Variants in ERCC8 observed in about 807,000 individuals in gnomAD.
The protein encoded by ERCC8 is DNA excision repair protein ERCC-8.
Under a neutral mutation model 54.9 loss-of-function variants are expected in ERCC8, and 52 were observed. The ratio of observed to expected loss-of-function variants is 0.95; its 90% CI spans 0.76 to 1.19. The LOEUF is 1.19. Among genes scored for constraint, ERCC8 ranks in the 50% most tolerant of loss-of-function variants. The pLI is 0.00. For missense variants in ERCC8, 514 were observed against 466.1 expected (o/e 1.10, Z -0.95); for synonymous variants, 146 against 157.2 (o/e 0.93, Z 0.53).
At chr5:60,943,582 A>G (rs947871116) in intron 1 of ERCC8, among the ~76,000 whole-genome samples, 13 of 152,222 alleles carry the variant, frequency 8.5e-5, no homozygotes, top group African/African-American at 3.1e-4. Context: ...TGCCCTTGAG[A>G]TAAACCCACA....
intron 11 of ERCC8, among the ~76,000 whole-genome samples, chr5:60,883,402 C>T (rs192755738): frequency 6.6e-6 from 1 of 152,320 alleles, no homozygotes; most frequent in Non-Finnish European, 1.5e-5. Context: ...TCAGTTTTCT[C>T]TGCAACATCT....
chr5:60,898,148 A>G, intron 9 of ERCC8, 128 bp downstream of exon 9: 1 of 1,070,586 alleles, frequency 9.3e-7, no homozygotes, highest in Non-Finnish European at 1.4e-6. Flanking sequence ...TCCACATAGT[A>G]GAAACACATT....
At chr5:60,944,153 C>T (rs765096428) in intron 1 of ERCC8, among the ~76,000 whole-genome samples, 1 of 152,170 alleles carries the variant, frequency 6.6e-6, no homozygotes, top group African/African-American at 2.4e-5. Context: ...TCATTCTTCT[C>T]TTTTTGTCAT....
At chr5:60,907,238 GA>G (rs1434005764) in intron 4 of ERCC8, 1 of 152,038 alleles carries the variant, frequency 6.6e-6, no homozygotes, top group Non-Finnish European at 1.5e-5. Flanking sequence ...ATTTCAAGGA[GA>G]AAATAGGAGG....
At chr5:60,939,952 T>C (rs1250386159) in intron 1 of ERCC8, among the ~76,000 whole-genome samples, 1 of 152,224 alleles carries the variant, frequency 6.6e-6, no homozygotes, top group African/African-American at 2.4e-5. Context: ...GTCTTTTTTA[T>C]CAATCTTGTC....
intron 11 of ERCC8, among the ~76,000 whole-genome samples, chr5:60,876,843 T>A (rs543118683): frequency 6.6e-6 from 1 of 152,350 alleles, no homozygotes; most frequent in East Asian, 1.9e-4. Flanking sequence ...TTGTTCACTC[T>A]GATGGTAGTT....
chr5:60,921,924 C>G (rs1013324142), intron 3 of ERCC8, 130 bp downstream of exon 3: 2 of 538,220 alleles, frequency 3.7e-6, no homozygotes, highest in Non-Finnish European at 6.6e-6. Flanking sequence ...CAAGGAACAG[C>G]CATGCAAATG....
At chr5:60,887,543 G>A in intron 10 of ERCC8, 23 bp from the exon 11 acceptor site, 3 of 1,527,048 alleles carry the variant, frequency 2.0e-6, no homozygotes, top group South Asian at 1.1e-5. Flanking sequence ...AGGCAAAGAT[G>A]ATACTGTGGA....
At position 60,870,090 on chromosome 5, in the gene ERCC8, T is replaced by A. The variant is rs1561490020; in HGVS notation, c.*4525A>T. Among the ~76,000 whole-genome samples, 1 of 151,884 alleles carries A rather than the reference T, an allele frequency of 6.6e-6. No individual in the cohort carries two copies. The highest frequency in any genetic ancestry group is 1.5e-5 in the Non-Finnish European group (1 of 68,012). ...TTCTCCACTATATTTTTGCAAGTGC[T>A]TAACAAAACAAAACAAAACAAAACA... On this transcript the variant is annotated 3_prime_UTR_variant, in exon 12 of 12. Coordinates refer to ENST00000676185, the MANE Select transcript of ERCC8 (RefSeq NM_000082.4).
At chr5:60,915,469 G>C (rs1287060612) in intron 4 of ERCC8, among the ~76,000 whole-genome samples, 2 of 152,028 alleles carry the variant, frequency 1.3e-5, no homozygotes, top group Non-Finnish European at 2.9e-5. Context: ...AGTACTTACT[G>C]TACTTAGTAA....
chr5:60,941,342 T>C (rs970753232), intron 1 of ERCC8, among the ~76,000 whole-genome samples: 4 of 152,168 alleles, frequency 2.6e-5, no homozygotes, highest in African/African-American at 4.8e-5. Flanking sequence ...ATCTGTGAAC[T>C]TGAAGATAGA....
chr5:60,918,771 T>C (rs555926243), intron 3 of ERCC8, among the ~76,000 whole-genome samples: 11 of 152,212 alleles, frequency 7.2e-5, no homozygotes, highest in Admixed American at 3.3e-4. Context: ...CTATTAGCAC[T>C]ACTATTCTTA....
chr5:60,918,457 A>C, intron 3 of ERCC8, 69 bp from the exon 4 acceptor site: 16 of 1,357,620 alleles, frequency 1.2e-5, no homozygotes, highest in Non-Finnish European at 1.7e-5. Flanking sequence ...CTATATTAAG[A>C]ACAAGTAGTA....
intron 11 of ERCC8, among the ~76,000 whole-genome samples, chr5:60,883,218 T>C (rs1748297202): frequency 6.6e-6 from 1 of 152,232 alleles, no homozygotes; most frequent in African/African-American, 2.4e-5. Flanking sequence ...CACTTTTCAG[T>C]GAAATAATGA....
intron 11 of ERCC8, among the ~76,000 whole-genome samples, chr5:60,879,095 C>T (rs963243379): frequency 1.1e-4 from 16 of 152,142 alleles, no homozygotes; most frequent in Non-Finnish European, 1.2e-4. Flanking sequence ...TTTCAAAGAA[C>T]ATCTTTATTT....
intron 1 of ERCC8, among the ~76,000 whole-genome samples, chr5:60,933,980 G>A (rs1342073622): frequency 1.3e-5 from 2 of 151,956 alleles, no homozygotes; most frequent in Non-Finnish European, 2.9e-5. Context: ...TTATCCACTT[G>A]TTGATTGATA....
At chr5:60,907,796 T>C (rs1749122783) in intron 4 of ERCC8, among the ~76,000 whole-genome samples, 1 of 152,134 alleles carries the variant, frequency 6.6e-6, no homozygotes. Flanking sequence ...CTCCCTAATC[T>C]TTCCTCCTCT....
At chr5:60,937,991 A>T (rs1750117662) in intron 1 of ERCC8, among the ~76,000 whole-genome samples, 1 of 146,110 alleles carries the variant, frequency 6.8e-6, no homozygotes, top group Admixed American at 6.9e-5. Flanking sequence ...TTTTTGTTCA[A>T]TGAGTTAATA....
chr5:60,878,480 G>A (rs145297130), intron 11 of ERCC8, among the ~76,000 whole-genome samples: 3,041 of 152,210 alleles, frequency 0.02, 120 homozygotes, highest in African/African-American at 0.07. Context: ...GGTAGAATTC[G>A]GCTGTCAATC....
Sources: gnomAD v4.1 joint callset for allele counts (sites outside exome capture counted in the v4.1 genomes callset) on GRCh38, gnomAD v4.1.1 for gene constraint, MANE v1.5 for transcripts, NCBI Gene and HGNC (gene_info 2026-07-23, HGNC 2026-07-21) for gene names.